The following MACROD2 variants were observed in gnomAD, a reference collection of about 807,000 sequenced individuals.
The protein encoded by MACROD2 is mono-ADP ribosylhydrolase 2.
A neutral mutation model predicts 70.4 loss-of-function variants in MACROD2; 36 were observed. That is an observed-to-expected ratio of 0.51 (90% CI 0.39 to 0.68). The LOEUF is 0.68. Among genes scored for constraint, MACROD2 ranks in the 30% least tolerant of loss-of-function variants. The probability of loss-of-function intolerance (pLI) is 0.00; values close to 1 mark genes in which losing one functional copy is unlikely to be tolerated. For missense variants in MACROD2, 496 were observed against 538.4 expected (o/e 0.92, Z 0.78); for synonymous variants, 172 against 178.8 (o/e 0.96, Z 0.30).
At chr20:15,407,179 A>C (rs78974014) in intron 6 of MACROD2, among the ~76,000 whole-genome samples, 12,969 of 152,180 alleles carry the variant, frequency 0.085, 678 homozygotes, top group Non-Finnish European at 0.12. Flanking sequence ...GACTTCCTGC[A>C]ACTCAGGCCT....
chr20:15,331,550 T>G lies in MACROD2; in HGVS notation c.541-99855T>G, dbSNP rs554635373. Among the ~76,000 whole-genome samples the G allele has an allele frequency of 1.6e-4, 24 of 151,576 alleles. 1 individual carries two copies. The highest frequency in any genetic ancestry group is 4.9e-4 in the African/African-American group (20 of 41,072). On this transcript the variant is annotated intron_variant, in intron 6 of 17. Coordinates refer to ENST00000684519, the MANE Select transcript of MACROD2 (RefSeq NM_001351661.2). ...TTAAAAATTAAAAAAGAAAAGAAAA[T>G]AAATAACTGAGCTTCAGACAATTTA...
In MACROD2 at chr20:14,326,118, C is replaced by T. The variant is rs1357575649; in HGVS notation, c.272-167361C>T. 1.2e-6 allele frequency: 2 copies of T among 1,613,850 alleles called. No individual in the cohort carries two copies. Among genetic ancestry groups the T allele is most frequent in the Admixed American group, 1.7e-5 (1 of 59,982 alleles). ...CAGGCTCCAGGGCTGTGACCAAGTA[C>T]TCACTGCGTTCCCCTGTTACAATTG... On this transcript the variant is annotated intron_variant, in intron 3 of 17. Coordinates refer to ENST00000684519, the MANE Select transcript of MACROD2 (RefSeq NM_001351661.2). This position sits in a 1 kb window ranked among gnomAD's most constrained non-coding sequence, Gnocchi z 5.5.
At chr20:15,491,312 C>G (rs1254206718) in intron 7 of MACROD2, among the ~76,000 whole-genome samples, 1 of 152,124 alleles carries the variant, frequency 6.6e-6, no homozygotes, top group Non-Finnish European at 1.5e-5. Flanking sequence ...CTCTACTGTG[C>G]ATGTGCTAGA....
At chr20:15,955,396 G>C (rs2065962192) in intron 12 of MACROD2, among the ~76,000 whole-genome samples, 1 of 152,120 alleles carries the variant, frequency 6.6e-6, no homozygotes, top group Non-Finnish European at 1.5e-5. Flanking sequence ...TTGGGTAGCT[G>C]TTACAAATGT....
At chr20:14,754,234 C>T (rs1024096397) in intron 5 of MACROD2, among the ~76,000 whole-genome samples, 1 of 152,086 alleles carries the variant, frequency 6.6e-6, no homozygotes, top group African/African-American at 2.4e-5. Context: ...TAGTCTCCAC[C>T]TTCACCGGGA....
intron 5 of MACROD2, among the ~76,000 whole-genome samples, chr20:14,970,201 C>T (rs1047637803): frequency 2.6e-5 from 4 of 152,118 alleles, no homozygotes; most frequent in Non-Finnish European, 5.9e-5. Flanking sequence ...ATACAACCAT[C>T]ACCCCCATGA....
At chr20:15,590,943 G>GAGAA (rs777903495) in intron 8 of MACROD2, among the ~76,000 whole-genome samples, 4 of 130,010 alleles carry the variant, frequency 3.1e-5, no homozygotes, top group African/African-American at 1.0e-4. Context: ...AGGAAAGAGA[G>GAGAA]AGAAAGAAAG....
Position 15,110,320 on chromosome 20 carries a change from C to T in MACROD2, c.419-119620C>T, listed in dbSNP as rs74637957. 1.1e-3 allele frequency among the ~76,000 whole-genome samples: 168 copies of T among 152,142 alleles called. 1 individual carries two copies. Among genetic ancestry groups the T allele is most frequent in the Non-Finnish European group, 1.6e-3 (108 of 68,012 alleles). On this transcript the variant is annotated intron_variant, in intron 5 of 17. Transcript: ENST00000684519. Reference sequence around the variant, plus strand: ...TAATTAACTTTTGTCAAGGGCCTGCCGGGTGCCCTGCACTGGAATTGGGGA... The same window carrying T: ...TAATTAACTTTTGTCAAGGGCCTGCTGGGTGCCCTGCACTGGAATTGGGGA...
chr20:15,499,700 T>C, intron 7 of MACROD2, 74 bp from the exon 8 acceptor site: 4 of 1,336,300 alleles, frequency 3.0e-6, no homozygotes, highest in Non-Finnish European at 4.3e-6. Flanking sequence ...AAAACTCCAG[T>C]ATCATAGCGT....
chr20:15,391,716 C>A (rs999593508), intron 6 of MACROD2, among the ~76,000 whole-genome samples: 1 of 152,140 alleles, frequency 6.6e-6, no homozygotes, highest in African/African-American at 2.4e-5. Context: ...TGTACAAGTT[C>A]TTCTTGGAAA....
chr20:15,128,630 A>G (rs2076083451), intron 5 of MACROD2, among the ~76,000 whole-genome samples: 1 of 152,112 alleles, frequency 6.6e-6, no homozygotes, highest in East Asian at 1.9e-4. Context: ...TGGGTTACAT[A>G]TAAGAATTAT....
chr20:16,017,123 G>A (rs967875177), intron 15 of MACROD2, among the ~76,000 whole-genome samples: 2 of 152,058 alleles, frequency 1.3e-5, no homozygotes, highest in African/African-American at 2.4e-5. Context: ...TTGAACCACT[G>A]CCCTCTTTCC....
chr20:14,434,775 G>T (rs1004821092), intron 3 of MACROD2, among the ~76,000 whole-genome samples: 1 of 151,976 alleles, frequency 6.6e-6, no homozygotes, highest in Admixed American at 6.6e-5. Flanking sequence ...TGAAATGGTT[G>T]CCAATACTAG....
intron 5 of MACROD2, among the ~76,000 whole-genome samples, chr20:14,691,345 C>T (rs943109873): frequency 6.6e-6 from 1 of 152,184 alleles, no homozygotes; most frequent in Non-Finnish European, 1.5e-5. Context: ...ACCCTCTATT[C>T]CTTGGGACAT....
intron 6 of MACROD2, among the ~76,000 whole-genome samples, chr20:15,249,115 A>G (rs1480085554): frequency 1.3e-5 from 2 of 152,208 alleles, no homozygotes; most frequent in African/African-American, 4.8e-5. Context: ...AAGGACAAGG[A>G]CGCTGAGGTA....
chr20:15,352,734 A>G (rs1223235665), intron 6 of MACROD2, among the ~76,000 whole-genome samples: 1 of 152,194 alleles, frequency 6.6e-6, no homozygotes, highest in African/African-American at 2.4e-5. Flanking sequence ...CCAAATCATG[A>G]GTGAACTCCC....
chr20:15,662,812 A>T (rs2146819525), intron 8 of MACROD2, among the ~76,000 whole-genome samples: 1 of 151,970 alleles, frequency 6.6e-6, no homozygotes, highest in East Asian at 1.9e-4. Flanking sequence ...AAATATGAAA[A>T]TATTGCAGTT....
chr20:15,240,829 T>C (rs1167487563), intron 6 of MACROD2, among the ~76,000 whole-genome samples: 1 of 152,202 alleles, frequency 6.6e-6, no homozygotes, highest in Non-Finnish European at 1.5e-5. Context: ...TTGCTTCCCC[T>C]GACTCTTGGC....
intron 5 of MACROD2, among the ~76,000 whole-genome samples, chr20:15,091,842 A>C (rs1012603767): frequency 1.3e-5 from 2 of 152,186 alleles, no homozygotes; most frequent in African/African-American, 4.8e-5. Flanking sequence ...TTTATCTGGC[A>C]ATGCATTATT....
Sources: gnomAD v4.1 joint callset for allele counts (sites outside exome capture counted in the v4.1 genomes callset) on GRCh38, gnomAD v4.1.1 for gene constraint, Gnocchi (gnomAD v3.1) non-coding constraint, MANE v1.5 for transcripts, NCBI Gene and HGNC (gene_info 2026-07-23, HGNC 2026-07-21) for gene names.